The following CAMTA1 variants were observed in gnomAD, a reference collection of about 807,000 sequenced individuals.
CAMTA1 encodes calmodulin-binding transcription activator 1.
In CAMTA1, 27 loss-of-function variants were observed where a neutral mutation model predicts 170.9. The ratio of observed to expected loss-of-function variants is 0.16; its 90% CI spans 0.12 to 0.22. The LOEUF is 0.22. Among genes scored for constraint, CAMTA1 ranks in the 10% least tolerant of loss-of-function variants. CAMTA1 has a pLI of 1.00. For synonymous variants in CAMTA1, 833 were observed against 891.5 expected (o/e 0.93, Z 1.17); for missense variants, 1,619 against 2,217.2 (o/e 0.73, Z 5.42).
rs33927662 is a variant in CAMTA1, at chr1:7,044,897, TAA to T, written c.235-46397_235-46396del. On this transcript the variant is annotated intron_variant, in intron 3 of 22. Transcript: ENST00000303635. This position sits in a 1 kb window ranked among gnomAD's most constrained non-coding sequence, Gnocchi z 5.0. ...CCCATTAACATCCCGCCATTTTGAT[TAA>T]AAAAAAAAATCCCCCAAAATAAAAA... Among the ~76,000 whole-genome samples the T allele has an allele frequency of 0.011, 1,662 of 150,088 alleles. 43 individuals carry two copies. The highest frequency in any genetic ancestry group is 0.037 in the African/African-American group (1,515 of 40,796).
At chr1:7,432,540 G>C (rs1030398882) in intron 5 of CAMTA1, among the ~76,000 whole-genome samples, 1 of 152,226 alleles carries the variant, frequency 6.6e-6, no homozygotes, top group Non-Finnish European at 1.5e-5. Context: ...AGTCAGGGCT[G>C]TCTGGGAGAG....
intron 6 of CAMTA1, among the ~76,000 whole-genome samples, chr1:7,525,229 G>A (rs1421324020): frequency 6.6e-6 from 1 of 151,742 alleles, no homozygotes; most frequent in African/African-American, 2.4e-5. Context: ...TCTTCTCCGG[G>A]CCGCCCTGCA....
intron 3 of CAMTA1, among the ~76,000 whole-genome samples, chr1:7,056,382 G>A (rs1256489552): frequency 6.6e-6 from 1 of 152,190 alleles, no homozygotes; most frequent in Non-Finnish European, 1.5e-5. Context: ...GCCCCCAGGT[G>A]GGAAGGGGGC....
At chr1:7,766,332 G>A (rs560753119) in intron 22 of CAMTA1, 127 bp from the exon 23 acceptor site, 15 of 721,056 alleles carry the variant, frequency 2.1e-5, no homozygotes, top group South Asian at 8.8e-5. Flanking sequence ...TTCTTTTGCC[G>A]TCAATCCTCA....
chr1:7,631,669 G>C (rs2095670079), intron 6 of CAMTA1, among the ~76,000 whole-genome samples: 1 of 152,202 alleles, frequency 6.6e-6, no homozygotes, highest in Admixed American at 6.5e-5. Context: ...ACAGCAGCCT[G>C]CAGGGGCCGG....
intron 4 of CAMTA1, among the ~76,000 whole-genome samples, chr1:7,159,346 C>A (rs1427955019): frequency 2.6e-5 from 4 of 152,064 alleles, no homozygotes; most frequent in Non-Finnish European, 5.9e-5. Context: ...ACACAGACCT[C>A]AAGTCCGGTC....
intron 5 of CAMTA1, among the ~76,000 whole-genome samples, chr1:7,340,555 T>TCCCC (rs2083737306): frequency 1.1e-5 from 1 of 93,238 alleles, no homozygotes; most frequent in African/African-American, 4.5e-5. Context: ...CCTGCCTGCC[T>TCCCC]CCCTCCCTCC....
At chr1:7,168,790 G>C (rs937296698) in intron 4 of CAMTA1, among the ~76,000 whole-genome samples, 9 of 152,240 alleles carry the variant, frequency 5.9e-5, no homozygotes, top group African/African-American at 2.2e-4. Flanking sequence ...AATAGAACTA[G>C]AAGTCCTAGT....
intron 11 of CAMTA1, among the ~76,000 whole-genome samples, chr1:7,699,146 A>G (rs918113759): frequency 6.6e-6 from 1 of 152,180 alleles, no homozygotes; most frequent in Non-Finnish European, 1.5e-5. Flanking sequence ...ATACCATACA[A>G]TTTACCTATT....
At chr1:7,037,913 C>CT (rs1171128224) in intron 3 of CAMTA1, among the ~76,000 whole-genome samples, 1,583 of 114,378 alleles carry the variant, frequency 0.014, 9 homozygotes, top group Non-Finnish European at 0.022. Context: ...TTGGTTTGAT[C>CT]TTTATTTTTT....
chr1:7,575,628 AG>A (rs368461882), intron 6 of CAMTA1, among the ~76,000 whole-genome samples: 3 of 152,376 alleles, frequency 2.0e-5, no homozygotes, highest in Admixed American at 6.5e-5. Flanking sequence ...CATGGCCAAA[AG>A]GGTTCATCAC....
intron 5 of CAMTA1, among the ~76,000 whole-genome samples, chr1:7,334,740 A>G (rs1202406029): frequency 1.3e-5 from 2 of 152,192 alleles, no homozygotes; most frequent in Non-Finnish European, 2.9e-5. Context: ...GAAGAGGCTG[A>G]CGGTGTCTGA....
chr1:6,995,295 C>CTTTTCTTTTTTTTTTT (rs1697047615), intron 3 of CAMTA1, among the ~76,000 whole-genome samples: 1 of 60,622 alleles, frequency 1.6e-5, no homozygotes, highest in African/African-American at 6.8e-5. Flanking sequence ...TTTTTCTTTT[C>CTTTTCTTTTTTTTTTT]TTTTTTTTTT....
chr1:7,603,544 C>T (rs1051060514), intron 6 of CAMTA1, among the ~76,000 whole-genome samples: 63 of 152,234 alleles, frequency 4.1e-4, no homozygotes, highest in African/African-American at 1.5e-3. Context: ...GGTAGATCTT[C>T]CTCCATCCCT....
rs1327854709 is a variant in CAMTA1, at chr1:7,641,280, C to T, written c.664+727C>T. Among the ~76,000 whole-genome samples the T allele has an allele frequency of 6.6e-6, 1 of 152,146 alleles. No individual in the cohort carries two copies. Among genetic ancestry groups the T allele is most frequent in the African/African-American group, 2.4e-5 (1 of 41,438 alleles). On this transcript the variant is annotated intron_variant, in intron 7 of 22. Transcript: ENST00000303635. This position sits in a 1 kb window ranked among gnomAD's most constrained non-coding sequence, Gnocchi z 4.5. ...TCCTGACCCAAGAAGAGCATGGGGG[C>T]TGTTTAGTGGTGGACACGTAGCCCA...
intron 5 of CAMTA1, among the ~76,000 whole-genome samples, chr1:7,259,675 C>A (rs1429008715): frequency 6.6e-6 from 1 of 152,240 alleles, no homozygotes; most frequent in Non-Finnish European, 1.5e-5. Flanking sequence ...TATGACTTGA[C>A]TTCAAGCACC....
intron 5 of CAMTA1, among the ~76,000 whole-genome samples, chr1:7,315,213 T>G (rs1392685958): frequency 6.6e-6 from 1 of 152,208 alleles, no homozygotes; most frequent in Admixed American, 6.5e-5. Context: ...CTTAGGACTT[T>G]GTGCAGCTGG....
At position 7,249,142 on chromosome 1, in the gene CAMTA1, C is replaced by T. The variant is rs551854063; in HGVS notation, c.303-349C>T. ...AGAGATAAGATATTGCAGGCTGCCACGACACCCCTGGCTCTTTTTGCTTTC... is the reference window on the plus strand; with the variant it reads ...AGAGATAAGATATTGCAGGCTGCCATGACACCCCTGGCTCTTTTTGCTTTC... On this transcript the variant is annotated intron_variant, in intron 4 of 22. Transcript: ENST00000303635. The surrounding 1 kb of genome is among the most constrained non-coding windows in gnomAD (Gnocchi z 4.4). Among the ~76,000 whole-genome samples the T allele has an allele frequency of 7.9e-5, 12 of 152,100 alleles. No homozygotes were observed. Among genetic ancestry groups the T allele is most frequent in the Non-Finnish European group, 1.3e-4 (9 of 68,024 alleles).
chr1:6,919,263 G>T (rs1681475311), intron 3 of CAMTA1, among the ~76,000 whole-genome samples: 1 of 152,176 alleles, frequency 6.6e-6, no homozygotes, highest in Non-Finnish European at 1.5e-5. Flanking sequence ...CCCCTCAGGG[G>T]TCCTGCAGCC....
Sources: allele counts gnomAD v4.1 joint callset (sites outside exome capture counted in the v4.1 genomes callset), GRCh38; gene constraint gnomAD v4.1.1; non-coding constraint Gnocchi (gnomAD v3.1); transcripts MANE v1.5; gene names NCBI Gene and HGNC (gene_info 2026-07-23, HGNC 2026-07-21).